Variants in THSD7A observed in about 807,000 individuals in gnomAD.
THSD7A encodes the protein thrombospondin type-1 domain-containing protein 7A.
THSD7A carries 96 observed loss-of-function variants against 231.3 expected under a neutral mutation model. The observed-to-expected ratio is 0.41, with a 90% CI of 0.35 to 0.49. THSD7A has a LOEUF of 0.49. Among genes scored for constraint, THSD7A ranks in the 20% least tolerant of loss-of-function variants. The probability of loss-of-function intolerance (pLI) is 0.05; values close to 1 mark genes in which losing one functional copy is unlikely to be tolerated. For synonymous variants in THSD7A, 940 were observed against 743.3 expected, an observed-to-expected ratio of 1.26 and a Z score of -4.30; for missense variants, 2,290 against 2,070.2, an observed-to-expected ratio of 1.11 and a Z score of -2.06.
intron 4 of THSD7A, among the ~76,000 whole-genome samples, chr7:11,549,353 T>C (rs954834396): frequency 3.3e-5 from 5 of 151,738 alleles, no homozygotes; most frequent in African/African-American, 1.2e-4. Flanking sequence ...GTTCAGCCAT[T>C]GTGGAAGACA....
chr7:11,817,393 C>G (rs533468588), intron 1 of THSD7A, among the ~76,000 whole-genome samples: 1 of 152,324 alleles, frequency 6.6e-6, no homozygotes, highest in Non-Finnish European at 1.5e-5. Context: ...AAAAACAAAA[C>G]ACTGGGGCAG....
chr7:11,589,969 T>C (rs1224825710), intron 4 of THSD7A, among the ~76,000 whole-genome samples: 1 of 152,212 alleles, frequency 6.6e-6, no homozygotes, highest in Non-Finnish European at 1.5e-5. Context: ...GGTTAAAGTT[T>C]TCTTTTACTG....
At chr7:11,631,152 T>C (rs142534927) in intron 2 of THSD7A, among the ~76,000 whole-genome samples, 8 of 152,368 alleles carry the variant, frequency 5.3e-5, no homozygotes, top group Non-Finnish European at 1.0e-4. Flanking sequence ...AAGAAGAGCC[T>C]TGGATAAACC....
At chr7:11,436,194 C>A (rs1340163976) in intron 13 of THSD7A, among the ~76,000 whole-genome samples, 1 of 151,906 alleles carries the variant, frequency 6.6e-6, no homozygotes, top group Non-Finnish European at 1.5e-5. Context: ...GTCAGGAATA[C>A]AAACATATTT....
At chr7:11,581,625 G>A (rs1168185605) in intron 4 of THSD7A, among the ~76,000 whole-genome samples, 2 of 152,062 alleles carry the variant, frequency 1.3e-5, no homozygotes, top group East Asian at 3.9e-4. Flanking sequence ...TATCAATTTG[G>A]TAACATGATT....
intron 11 of THSD7A, among the ~76,000 whole-genome samples, chr7:11,458,302 A>G (rs1301550871): frequency 1.3e-5 from 2 of 152,096 alleles, no homozygotes; most frequent in African/African-American, 4.8e-5. Context: ...CCATCAAAGG[A>G]AGAAAATTTT....
chr7:11,451,917 C>T (rs974961471), intron 11 of THSD7A, among the ~76,000 whole-genome samples: 2 of 151,958 alleles, frequency 1.3e-5, no homozygotes, highest in Non-Finnish European at 2.9e-5. Context: ...GCGTGTAAGG[C>T]CATGCACTCA....
intron 1 of THSD7A, among the ~76,000 whole-genome samples, chr7:11,756,025 T>C (rs921071837): frequency 6.6e-6 from 1 of 152,052 alleles, no homozygotes; most frequent in African/African-American, 2.4e-5. Flanking sequence ...ATCTACTTAA[T>C]GATAATAAAA....
At chr7:11,437,308 C>T (rs971096694) in intron 13 of THSD7A, among the ~76,000 whole-genome samples, 4 of 152,116 alleles carry the variant, frequency 2.6e-5, no homozygotes, top group African/African-American at 9.7e-5. Flanking sequence ...CTCCTCTGTG[C>T]TCCCTCAGGG....
chr7:11,417,664 A>C (rs2115398278), intron 16 of THSD7A, 61 bp from the exon 17 acceptor site: 1 of 1,531,556 alleles, frequency 6.5e-7, no homozygotes, highest in Non-Finnish European at 8.8e-7. Context: ...TAAAGAAAAC[A>C]GGACAATTAG....
intron 4 of THSD7A, among the ~76,000 whole-genome samples, chr7:11,572,785 C>T (rs887415191): frequency 1.7e-4 from 26 of 152,012 alleles, no homozygotes; most frequent in Admixed American, 2.0e-4. Flanking sequence ...GGATTAAAGT[C>T]CTCGTCTGCT....
intron 23 of THSD7A, among the ~76,000 whole-genome samples, chr7:11,392,088 G>A (rs544047318): frequency 4.3e-4 from 66 of 152,080 alleles, no homozygotes; most frequent in African/African-American, 1.6e-3. Context: ...ATTTCACATA[G>A]GGAGATCCTG....
chr7:11,682,083 C>T (rs1783891497), intron 1 of THSD7A, among the ~76,000 whole-genome samples: 1 of 152,010 alleles, frequency 6.6e-6, no homozygotes, highest in Non-Finnish European at 1.5e-5. Context: ...ATCAGACCAA[C>T]CCTATAAGAG....
chr7:11,399,557 A>C (rs1783319658), intron 23 of THSD7A, among the ~76,000 whole-genome samples: 1 of 152,208 alleles, frequency 6.6e-6, no homozygotes, highest in Non-Finnish European at 1.5e-5. Flanking sequence ...GACGCATGAA[A>C]AAATGCTCAT....
At chr7:11,378,438 T>C (rs1782368111) in intron 26 of THSD7A, among the ~76,000 whole-genome samples, 1 of 152,234 alleles carries the variant, frequency 6.6e-6, no homozygotes, top group Non-Finnish European at 1.5e-5. Flanking sequence ...TTTGCCTGTA[T>C]TGGCTTTGCA....
In THSD7A at chr7:11,634,117, G is replaced by A. The variant is rs898668692; in HGVS notation, c.1022+2013C>T. Among the ~76,000 whole-genome samples the A allele has an allele frequency of 6.6e-6, 1 of 152,044 alleles. No homozygotes were observed. Among genetic ancestry groups the A allele is most frequent in the African/African-American group, 2.4e-5 (1 of 41,472 alleles). On this transcript the variant is annotated intron_variant, in intron 2 of 27. Transcript: ENST00000423059. The surrounding 1 kb of genome is among the most constrained non-coding windows in gnomAD (Gnocchi z 4.1). ...CTCTAGGACTTTCTTGATCACACAT[G>A]ATAATTCATATATAATAGAAATATT...
intron 6 of THSD7A, among the ~76,000 whole-genome samples, chr7:11,536,642 CCCTTTCT>C (rs1233493628): frequency 2.0e-4 from 30 of 152,076 alleles, no homozygotes; most frequent in African/African-American, 7.0e-4. Flanking sequence ...GAGCTCAAGA[CCCTTTCT>C]CTTTTCTGTA....
intron 4 of THSD7A, among the ~76,000 whole-genome samples, chr7:11,585,713 A>G (rs1303440217): frequency 2.0e-5 from 3 of 152,106 alleles, no homozygotes; most frequent in African/African-American, 7.2e-5. Flanking sequence ...CAGTTTAGGG[A>G]GCAAGGTGGG....
chr7:11,556,459 A>T (rs779878840), intron 4 of THSD7A, among the ~76,000 whole-genome samples: 3 of 151,874 alleles, frequency 2.0e-5, no homozygotes, highest in Non-Finnish European at 2.9e-5. Context: ...TTTTAGAATC[A>T]TATCAGGTAG....
Sources: allele counts gnomAD v4.1 joint callset (sites outside exome capture counted in the v4.1 genomes callset), GRCh38; gene constraint gnomAD v4.1.1; non-coding constraint Gnocchi (gnomAD v3.1); transcripts MANE v1.5; gene names NCBI Gene and HGNC (gene_info 2026-07-23, HGNC 2026-07-21).